The following TNRC18 variants were observed in gnomAD, a reference collection of about 807,000 sequenced individuals.
TNRC18 encodes trinucleotide repeat containing 18.
In TNRC18, 69 loss-of-function variants were observed where a neutral mutation model predicts 226.7. That is an observed-to-expected ratio of 0.30 (90% CI 0.25 to 0.37). TNRC18 has a LOEUF of 0.37. Among genes scored for constraint, TNRC18 ranks in the 10% least tolerant of loss-of-function variants. The probability of loss-of-function intolerance (pLI) is 1.00; values close to 1 mark genes in which losing one functional copy is unlikely to be tolerated. For synonymous variants in TNRC18, 2,449 were observed against 1,927.6 expected (o/e 1.27, Z -7.09); for missense variants, 4,754 against 4,256.6 (o/e 1.12, Z -3.25).
chr7:5,401,583 G>A (rs896274664), intron 2 of TNRC18, among the ~76,000 whole-genome samples: 6 of 152,202 alleles, frequency 3.9e-5, no homozygotes, highest in African/African-American at 1.4e-4. Context: ...AAGACAGCAA[G>A]CTTTTCTTTG....
intron 18 of TNRC18, among the ~76,000 whole-genome samples, chr7:5,343,651 T>C (rs1480804341): frequency 1.3e-5 from 2 of 152,196 alleles, no homozygotes; most frequent in African/African-American, 4.8e-5. Context: ...GGTCTTGAAC[T>C]ACTGAGCTCA....
At chr7:5,333,844 T>C (rs1332060941) in intron 18 of TNRC18, among the ~76,000 whole-genome samples, 3 of 152,200 alleles carry the variant, frequency 2.0e-5, no homozygotes, top group Non-Finnish European at 4.4e-5. Context: ...CGCACCTCTG[T>C]TGTCACAGGC....
intron 16 of TNRC18, among the ~76,000 whole-genome samples, chr7:5,353,910 G>A (rs1792093014): frequency 6.6e-6 from 1 of 152,094 alleles, no homozygotes; most frequent in Admixed American, 6.6e-5. Flanking sequence ...TTGCCCATTT[G>A]ACCATTCCCA....
chr7:5,351,442 C>G (rs1791795677), intron 17 of TNRC18, among the ~76,000 whole-genome samples: 1 of 144,160 alleles, frequency 6.9e-6, no homozygotes, highest in Non-Finnish European at 1.5e-5. Context: ...GAGCCCGAAC[C>G]AAGCCTGGGG....
Position 5,356,790 on chromosome 7 carries a change from G to A in TNRC18, c.5194+126C>T, listed in dbSNP as rs925248750. 4.5e-6 allele frequency: 6 copies of A among 1,332,324 alleles called. No individual in the cohort carries two copies. The African/African-American group carries it at 7.5e-5, about 17-fold the overall frequency. 82.5% of individuals were successfully genotyped at this position (1,332,324 alleles called of 1,614,324 possible). ...ATGCCAAGCTCAGGCACTGTAGTGC[G>A]CCCCAGAGAGAGAGCGAGAGCGAGA... On this transcript the variant is annotated intron_variant, in intron 16 of 29. Transcript: ENST00000430969.
At chr7:5,411,544 G>A (rs1432105732) in intron 2 of TNRC18, among the ~76,000 whole-genome samples, 2 of 147,508 alleles carry the variant, frequency 1.4e-5, no homozygotes. Flanking sequence ...AAAATTCCTA[G>A]AGGGAAAGTA....
chr7:5,416,910 G>C (rs751033986), intron 2 of TNRC18, among the ~76,000 whole-genome samples: 11 of 151,378 alleles, frequency 7.3e-5, no homozygotes, highest in Non-Finnish European at 1.5e-4. Context: ...AGGAGCCCAG[G>C]AGTTTGAGGC....
chr7:5,315,020 C>A lies in TNRC18; in HGVS notation c.6991G>T (p.Gly2331Trp). ...TTGGCGCTGGGTTTCCGCCCACGCC[C>A]ACGGGCCTTGGCTCCTGGCTCCTCC... ...GSEEPGAKAR[G>W]RGRKPSAKAK... The change falls in exon 26 of 30, where the codon GGG becomes TGG. Residue 2331 changes from glycine to tryptophan, a missense_variant. By Grantham distance (184) the Gly-to-Trp change is radical. Coordinates refer to ENST00000430969, the MANE Select transcript of TNRC18 (RefSeq NM_001080495.3). The A allele has an allele frequency of 6.2e-7, 1 of 1,608,586 alleles. No homozygotes were observed. Among genetic ancestry groups the A allele is most frequent in the Non-Finnish European group, 8.5e-7 (1 of 1,178,124 alleles).
chr7:5,390,403 G>C, intron 4 of TNRC18, 82 bp downstream of exon 4: 1 of 1,505,878 alleles, frequency 6.6e-7, no homozygotes, highest in Non-Finnish European at 9.2e-7. Flanking sequence ...ACAGAGCTGG[G>C]GGCTACCTGG....
At chr7:5,322,547 C>G (rs1156604077) in intron 21 of TNRC18, among the ~76,000 whole-genome samples, 1 of 152,214 alleles carries the variant, frequency 6.6e-6, no homozygotes, top group Non-Finnish European at 1.5e-5. Flanking sequence ...CCACCTCGGC[C>G]CCCCAAAGCA....
chr7:5,332,986 C>G lies in TNRC18; in HGVS notation c.5783G>C (p.Gly1928Ala), dbSNP rs1390028607. The G allele has an allele frequency of 1.3e-6, 2 of 1,571,818 alleles. No individual in the cohort carries two copies. Among genetic ancestry groups the G allele is most frequent in the Non-Finnish European group, 1.7e-6 (2 of 1,167,088 alleles). Residue 1928 changes from glycine to alanine, a missense_variant, in exon 19 of 30, where the codon GGG becomes GCG. Gly to Ala is a moderately conservative substitution (Grantham distance 60). Transcript: ENST00000430969. ...CAGCCCCTTCTTGGGCCGCAGCAGC[C>G]CCGCAGGCGACCGCTTGCGCACCTT... The part of the protein sequence containing the change: ...EVKVRKRSPA[G>A]LLRPKKGLGE...
In TNRC18 at chr7:5,315,009, C is replaced by CCGCCCA; in HGVS notation, c.6996_7001dup (p.Gly2333_Arg2334dup). ...CACCCTTGGCCTTGGCGCTGGGTTT[C>CCGCCCA]CGCCCACGCCCACGGGCCTTGGCTC... is the stretch of plus-strand genomic sequence containing the variant. On this transcript the variant is annotated inframe_insertion, in exon 26 of 30. Transcript: ENST00000430969. 6.2e-7 allele frequency: 1 copy of CCGCCCA among 1,607,454 alleles called. No individual in the cohort carries two copies.
chr7:5,359,295 C>G (rs1296103325), intron 15 of TNRC18, 103 bp downstream of exon 15: 1 of 1,215,860 alleles, frequency 8.2e-7, no homozygotes, highest in African/African-American at 1.5e-5. Flanking sequence ...TCTAAGGTTT[C>G]TGTACAGGAA....
chr7:5,364,658 G>C (rs1793435330), intron 11 of TNRC18, among the ~76,000 whole-genome samples: 1 of 151,294 alleles, frequency 6.6e-6, no homozygotes, highest in East Asian at 2.0e-4. Context: ...ACAGAAATTA[G>C]CTGGGCATGG....
At chr7:5,389,612 G>T in intron 4 of TNRC18, 1 of 250,132 alleles carries the variant, frequency 4.0e-6, no homozygotes, top group Non-Finnish European at 7.5e-6. Flanking sequence ...ACCCCACCAC[G>T]CACGGCTAAT....
intron 22 of TNRC18, 34 bp from the exon 23 acceptor site, chr7:5,320,641 G>A (rs1788254929): frequency 6.3e-7 from 1 of 1,595,402 alleles, no homozygotes; most frequent in Non-Finnish European, 8.5e-7. Flanking sequence ...GGTGGCAGAG[G>A]CCGAGACCTC....
Position 5,374,465 on chromosome 7 carries a change from T to C in TNRC18, c.2819A>G (p.Gln940Arg). The change falls in exon 10 of 30, where the codon CAG becomes CGG. Residue 940 changes from glutamine (Q) to arginine (R), a missense_variant. Transcript: ENST00000430969. Reference sequence around the variant, plus strand: ...CTCTTCCATCTCCGCCCGGTGCTCCTGCGCCTTCAACCGCTCCTGCTGGGA... The same window carrying C: ...CTCTTCCATCTCCGCCCGGTGCTCCCGCGCCTTCAACCGCTCCTGCTGGGA... ...AQLVQERLKA[Q>R]EHRAEMEEKG... 12 of 1,546,790 alleles carry C rather than the reference T, an allele frequency of 7.8e-6. No homozygotes were observed. Among genetic ancestry groups the C allele is most frequent in the Non-Finnish European group, 1.0e-5 (12 of 1,145,544 alleles).
At position 5,312,905 on chromosome 7, in the gene TNRC18, G is replaced by A. The variant is rs1372572063; in HGVS notation, c.7986C>T (p.Ser2662=). Residue 2662 remains serine, a synonymous_variant, in exon 27 of 30, where the codon TCC becomes TCT. Coordinates refer to ENST00000430969, the MANE Select transcript of TNRC18 (RefSeq NM_001080495.3). This position sits in a 1 kb window ranked among gnomAD's most constrained non-coding sequence, Gnocchi z 6.3. ...AGGAAGAAGAGGAGGAAGAGGAGGA[G>A]GAGGAGGAGGATGAGGACGAGGAAG... The part of the protein sequence containing the change: ...SSSSSSSSSS[S]SSSSSSSSST... 6.6e-7 allele frequency: 1 copy of A among 1,512,314 alleles called. No individual in the cohort carries two copies. Among genetic ancestry groups the A allele is most frequent in the Non-Finnish European group, 8.9e-7 (1 of 1,127,098 alleles). 93.7% of individuals were successfully genotyped at this position (1,512,314 alleles called of 1,614,324 possible).
chr7:5,373,625 T>C (rs1487810374), intron 10 of TNRC18, among the ~76,000 whole-genome samples: 1 of 152,216 alleles, frequency 6.6e-6, no homozygotes, highest in Non-Finnish European at 1.5e-5. Context: ...CAAAGCCACC[T>C]GCTGCAGGTC....
Sources: gnomAD v4.1 joint callset for allele counts (sites outside exome capture counted in the v4.1 genomes callset) on GRCh38, gnomAD v4.1.1 for gene constraint, Gnocchi (gnomAD v3.1) non-coding constraint, MANE v1.5 for transcripts, NCBI Gene and HGNC (gene_info 2026-07-23, HGNC 2026-07-21) for gene names.